CENPE: variants seen among roughly 807,000 people sequenced by gnomAD.
CENPE encodes the protein centromere protein E, also known as centromere-associated protein E.
A neutral mutation model predicts 336.1 loss-of-function variants in CENPE; 145 were observed. That is an observed-to-expected ratio of 0.43 (90% CI 0.38 to 0.50). The LOEUF is 0.50. Among genes scored for constraint, CENPE ranks in the 20% least tolerant of loss-of-function variants. CENPE has a pLI of 0.00. For missense variants in CENPE, 2,719 were observed against 3,023.3 expected (o/e 0.90, Z 2.36); for synonymous variants, 1,013 against 984.8 (o/e 1.03, Z -0.54).
rs751537835 is a variant in CENPE at position 103,140,458 on chromosome 4, A to C, written c.5755-44T>G. 12 of 1,306,614 alleles carry C rather than the reference A, an allele frequency of 9.2e-6. No individual in the cohort carries two copies. In the South Asian group the frequency reaches 1.8e-4, roughly 19 times the overall value. 80.9% of individuals were successfully genotyped at this position (1,306,614 alleles called of 1,614,324 possible). ...TCAAGAAATGTAATGATATAAAGGC[A>C]CGTTACCTTTACTTAATGATTGAGT... On this transcript the variant is annotated intron_variant, in intron 36 of 48. Coordinates refer to ENST00000265148, the MANE Select transcript of CENPE (RefSeq NM_001813.3).
chr4:103,196,470 A>T (rs1403781843), intron 2 of CENPE, among the ~76,000 whole-genome samples: 1 of 152,160 alleles, frequency 6.6e-6, no homozygotes. Context: ...AATACACTAC[A>T]AGTCAACTTT....
intron 16 of CENPE, among the ~76,000 whole-genome samples, chr4:103,166,459 T>A: frequency 6.6e-6 from 1 of 152,216 alleles, no homozygotes; most frequent in South Asian, 2.1e-4. Flanking sequence ...TTGCACTTCA[T>A]TAACATGCAT....
At chr4:103,170,908 G>T (rs1755348275) in intron 16 of CENPE, among the ~76,000 whole-genome samples, 1 of 152,082 alleles carries the variant, frequency 6.6e-6, no homozygotes, top group Non-Finnish European at 1.5e-5. Context: ...AGCTAAAATA[G>T]ACTTTACATC....
intron 41 of CENPE, 57 bp downstream of exon 41, chr4:103,133,637 CT>C: frequency 8.6e-7 from 1 of 1,161,048 alleles, no homozygotes; most frequent in Non-Finnish European, 1.2e-6. Context: ...GAAAAAGTAC[CT>C]TTCTACTTGA....
Position 103,174,823 on chromosome 4 carries a change from T to C in CENPE, c.1560A>G (p.Glu520=). Residue 520 remains glutamate, a synonymous_variant, in exon 16 of 49, where the codon GAA becomes GAG. Transcript: ENST00000265148. ...TTAATTTCAATTCCATTTCTTCTTT[T>C]TCTGTTCGTAGTTGTTCATAGTCTA... is the stretch of plus-strand genomic sequence containing the variant. The part of the protein sequence containing the change: ...LVLDYEQLRT[E]KEEMELKLKE... 1 of 1,550,300 alleles carries C rather than the reference T, an allele frequency of 6.5e-7. No individual in the cohort carries two copies. Among genetic ancestry groups the C allele is most frequent in the Non-Finnish European group, 8.7e-7 (1 of 1,147,870 alleles).
chr4:103,124,829 C>T (rs1207349112), intron 42 of CENPE, among the ~76,000 whole-genome samples: 6 of 152,242 alleles, frequency 3.9e-5, no homozygotes, highest in South Asian at 2.1e-4. Flanking sequence ...TTAAATTCGT[C>T]GTGTTCCTGA....
intron 8 of CENPE, among the ~76,000 whole-genome samples, chr4:103,192,847 A>C (rs989953401): frequency 6.6e-6 from 1 of 152,190 alleles, no homozygotes; most frequent in African/African-American, 2.4e-5. Context: ...AGTCATCAAC[A>C]TGGAAATGAT....
At position 103,140,083 on chromosome 4, in the gene CENPE, G is replaced by A. The variant is rs1363081539; in HGVS notation, c.5914-4C>T. The A allele has an allele frequency of 8.8e-6, 14 of 1,592,314 alleles. No homozygotes were observed. The highest frequency in any genetic ancestry group is 1.2e-5 in the Non-Finnish European group (14 of 1,171,354). ...CTTTTTTCTGAAGTTCTTGGATCTT[G>A]AGATAATTGTAAAACAAGTTAGAAT... is the stretch of plus-strand genomic sequence containing the variant. On this transcript the variant is annotated splice_region_variant and splice_polypyrimidine_tract_variant and intron_variant, in intron 37 of 48. Coordinates refer to ENST00000265148, the MANE Select transcript of CENPE (RefSeq NM_001813.3).
At chr4:103,114,363 G>A (rs1749887627) in intron 46 of CENPE, 92 bp downstream of exon 46, 3 of 711,218 alleles carry the variant, frequency 4.2e-6, no homozygotes, top group Non-Finnish European at 7.3e-6. Flanking sequence ...GTTTACTCTC[G>A]ACTGTCACAT....
chr4:103,189,771 A>G (rs1578691943), intron 8 of CENPE, among the ~76,000 whole-genome samples: 2 of 152,182 alleles, frequency 1.3e-5, no homozygotes, highest in South Asian at 4.1e-4. Context: ...TATTCAACAT[A>G]GTGTTGGAAG....
chr4:103,163,759 A>G (rs949677217), intron 16 of CENPE, among the ~76,000 whole-genome samples: 3 of 147,214 alleles, frequency 2.0e-5, no homozygotes, highest in Middle Eastern at 3.5e-3. Flanking sequence ...CACCCAAAAC[A>G]TATCAAACAA....
intron 42 of CENPE, among the ~76,000 whole-genome samples, chr4:103,128,684 A>G (rs76480678): frequency 1.5e-3 from 230 of 152,326 alleles, no homozygotes; most frequent in African/African-American, 5.3e-3. Flanking sequence ...CTCAATGAAA[A>G]TGAAAATATG....
chr4:103,161,140 C>T lies in CENPE; in HGVS notation c.2077G>A (p.Ala693Thr), dbSNP rs749462294. 1 of 1,611,586 alleles carries T rather than the reference C, an allele frequency of 6.2e-7. No homozygotes were observed. The highest frequency in any genetic ancestry group is 8.5e-7 in the Non-Finnish European group (1 of 1,178,930). ...GTGAGTTTTGTTATCTCATTAAAAGCAGATTGTAATTCTTTCTCCAGATCA... is the reference window on the plus strand; with the variant it reads ...GTGAGTTTTGTTATCTCATTAAAAGTAGATTGTAATTCTTTCTCCAGATCA... ...QVDLEKELQS[A>T]FNEITKLTSL... The change falls in exon 20 of 49, where the codon GCT (alanine) becomes ACT (threonine). Residue 693 changes from alanine (A) to threonine (T), a missense_variant. Ala to Thr is a moderately conservative substitution (Grantham distance 58, BLOSUM62 0). Coordinates refer to ENST00000265148, the MANE Select transcript of CENPE (RefSeq NM_001813.3).
chr4:103,182,646 T>C (rs1055793624), intron 11 of CENPE, 116 bp downstream of exon 11: 1 of 759,080 alleles, frequency 1.3e-6, no homozygotes, highest in African/African-American at 1.8e-5. Context: ...GTAGACAACA[T>C]ATCGATTATA....
At chr4:103,162,455 C>T (rs971680395) in intron 18 of CENPE, among the ~76,000 whole-genome samples, 8 of 152,036 alleles carry the variant, frequency 5.3e-5, no homozygotes, top group African/African-American at 1.9e-4. Context: ...CTAAAATCAT[C>T]TAGAGCTATA....
intron 11 of CENPE, among the ~76,000 whole-genome samples, chr4:103,182,517 G>A (rs1424510926): frequency 6.6e-6 from 1 of 152,134 alleles, no homozygotes; most frequent in South Asian, 2.1e-4. Context: ...TACAAAAAGT[G>A]AGTTATTTTA....
chr4:103,144,945 C>G, intron 32 of CENPE, 105 bp downstream of exon 32: 1 of 1,090,072 alleles, frequency 9.2e-7, no homozygotes, highest in Non-Finnish European at 1.3e-6. Flanking sequence ...TTTCCGGTCC[C>G]TTTATGATTA....
rs545448188 is a variant in CENPE, at chr4:103,138,015, CCA to C, written c.6303+334_6303+335del. ...CCTCTTTTCGATATTCCTTGAACCA[CCA>C]CAGAGTCTTCTGCCTCAGGAACTTT... On this transcript the variant is annotated intron_variant, in intron 39 of 48. Coordinates refer to ENST00000265148, the MANE Select transcript of CENPE (RefSeq NM_001813.3). Among the ~76,000 whole-genome samples, 148 of 152,318 alleles carry C rather than the reference CCA, an allele frequency of 9.7e-4. 1 individual carries two copies. Among genetic ancestry groups the C allele is most frequent in the Non-Finnish European group, 1.9e-3 (126 of 68,028 alleles).
chr4:103,180,563 T>A, intron 12 of CENPE, 94 bp from the exon 13 acceptor site: 1 of 787,286 alleles, frequency 1.3e-6, no homozygotes, highest in Non-Finnish European at 1.9e-6. Flanking sequence ...TAAATTTGTA[T>A]ATGAACTATA....
Sources: allele counts gnomAD v4.1 joint callset (sites outside exome capture counted in the v4.1 genomes callset), GRCh38; gene constraint gnomAD v4.1.1; transcripts MANE v1.5; gene names NCBI Gene and HGNC (gene_info 2026-07-23, HGNC 2026-07-21).